RASSF5: variants seen among roughly 807,000 people sequenced by gnomAD.
RASSF5 encodes the protein Ras association domain family member 5.
Under a neutral mutation model 40.5 loss-of-function variants are expected in RASSF5, and 25 were observed. The observed-to-expected ratio is 0.62, with a 90% CI of 0.45 to 0.86. The LOEUF is 0.86. Ranked by LOEUF, RASSF5 falls within the 40% of genes least tolerant of loss-of-function variation. The pLI is 0.00. For missense variants in RASSF5, 521 were observed against 572.8 expected, an observed-to-expected ratio of 0.91 and a Z score of 0.92; for synonymous variants, 246 against 252.4, an observed-to-expected ratio of 0.97 and a Z score of 0.24.
At chr1:206,529,956 T>G (rs1667194016) in intron 1 of RASSF5, among the ~76,000 whole-genome samples, 1 of 151,916 alleles carries the variant, frequency 6.6e-6, no homozygotes, top group Non-Finnish European at 1.5e-5. Flanking sequence ...AAAATTGGGG[T>G]AGAAACACAT....
chr1:206,570,710 C>G (rs116459198), intron 2 of RASSF5, among the ~76,000 whole-genome samples: 1 of 152,094 alleles, frequency 6.6e-6, no homozygotes, highest in Non-Finnish European at 1.5e-5. Flanking sequence ...GGTTCATCCA[C>G]GTGATAGCAT....
chr1:206,571,586 T>C (rs1479223926), intron 2 of RASSF5: 1 of 152,174 alleles, frequency 6.6e-6, no homozygotes, highest in Non-Finnish European at 1.5e-5. Context: ...AACACTAACG[T>C]ACAGAGAGTC....
intron 1 of RASSF5, among the ~76,000 whole-genome samples, chr1:206,508,416 G>C (rs1666526945): frequency 6.6e-6 from 1 of 151,626 alleles, no homozygotes; most frequent in Non-Finnish European, 1.5e-5. Context: ...TCATCTCCCT[G>C]TGCACCCTCA....
Position 206,520,436 on chromosome 1 carries a change from G to A in RASSF5, c.457+12377G>A, listed in dbSNP as rs1365531104. Among the ~76,000 whole-genome samples, 8 of 152,174 alleles carry A rather than the reference G, an allele frequency of 5.3e-5. No homozygotes were observed. The South Asian group carries it at 6.2e-4, about 12-fold the overall frequency. On this transcript the variant is annotated intron_variant, in intron 1 of 5. Transcript: ENST00000579436. ...AGCCTGGCTAACATGGCGAAACCCC[G>A]TCTCTACTAAAAATAGAAAAATTAG...
chr1:206,584,321 C>T lies in RASSF5; in HGVS notation c.691-66C>T, dbSNP rs1370872994. The T allele has an allele frequency of 2.0e-5, 30 of 1,497,410 alleles. No homozygotes were observed. The highest frequency in any genetic ancestry group is 9.2e-5 in the East Asian group (4 of 43,460). The allele number at this position is 1,497,410 out of a possible 1,614,324, so 92.8% of individuals were successfully genotyped here. A position where few individuals can be genotyped will look rare whatever the true frequency, so the allele number is the denominator to read the frequency against. ...GTGGGTGCTGCTGGGGCAATGGCCC[C>T]GAGTGGCAGATATGATCATGCAAGG... On this transcript the variant is annotated intron_variant, in intron 3 of 5. Transcript: ENST00000579436. The surrounding 1 kb of genome is among the most constrained non-coding windows in gnomAD (Gnocchi z 4.9).
chr1:206,573,838 A>G (rs535658409), intron 2 of RASSF5, among the ~76,000 whole-genome samples: 2 of 152,370 alleles, frequency 1.3e-5, no homozygotes, highest in South Asian at 4.1e-4. Flanking sequence ...TGAGAGCCCC[A>G]TCTCTTAAAA....
intron 1 of RASSF5, among the ~76,000 whole-genome samples, chr1:206,521,221 T>C (rs1038442162): frequency 3.9e-5 from 6 of 152,150 alleles, no homozygotes; most frequent in African/African-American, 1.4e-4. Flanking sequence ...AAGTCTCTGG[T>C]GGTCCTGGCT....
chr1:206,539,430 T>G (rs184539328), intron 2 of RASSF5, among the ~76,000 whole-genome samples: 2 of 152,346 alleles, frequency 1.3e-5, no homozygotes, highest in East Asian at 3.9e-4. Context: ...ATGCTTTTTC[T>G]GGAACACAAT....
chr1:206,557,257 C>A, intron 2 of RASSF5: 1 of 1,134,616 alleles, frequency 8.8e-7, no homozygotes, highest in Non-Finnish European at 1.1e-6. Context: ...GGCGCTGGCG[C>A]CGGGGACACG....
intron 2 of RASSF5, among the ~76,000 whole-genome samples, chr1:206,569,100 G>A (rs1334448602): frequency 1.3e-5 from 2 of 152,240 alleles, no homozygotes; most frequent in African/African-American, 2.4e-5. Context: ...CAGAGCTTCC[G>A]CTTGGCCCTC....
rs1428239236 is a variant in RASSF5 at position 206,531,416 on chromosome 1, A to C, written c.458-6756A>C. Among the ~76,000 whole-genome samples the C allele has an allele frequency of 6.6e-6, 1 of 152,168 alleles. No individual in the cohort carries two copies. Among genetic ancestry groups the C allele is most frequent in the Non-Finnish European group, 1.5e-5 (1 of 68,014 alleles). On this transcript the variant is annotated intron_variant, in intron 1 of 5. Coordinates refer to ENST00000579436, the MANE Select transcript of RASSF5 (RefSeq NM_182663.4). This position sits in a 1 kb window ranked among gnomAD's most constrained non-coding sequence, Gnocchi z 4.7. ...TCTATTGTATGAGAACCTGAGTCTGAAGGGACATCTTGGGGCCAGGTTGAG... is the reference window on the plus strand; with the variant it reads ...TCTATTGTATGAGAACCTGAGTCTGCAGGGACATCTTGGGGCCAGGTTGAG...
In RASSF5 at chr1:206,531,145, C is replaced by T. The variant is rs1326156770; in HGVS notation, c.458-7027C>T. ...CCAAGGCCACTAGAGGTTAGGACAC[C>T]GGCCTGGGGTCGGATCAGCACTCGC... On this transcript the variant is annotated intron_variant, in intron 1 of 5. Transcript: ENST00000579436. The surrounding 1 kb of genome is among the most constrained non-coding windows in gnomAD (Gnocchi z 4.7). Among the ~76,000 whole-genome samples, 12 of 152,208 alleles carry T rather than the reference C, an allele frequency of 7.9e-5. No individual in the cohort carries two copies. The highest frequency in any genetic ancestry group is 2.0e-4 in the Admixed American group (3 of 15,274).
chr1:206,552,917 A>G lies in RASSF5; in HGVS notation c.579+14624A>G, dbSNP rs904900949. Among the ~76,000 whole-genome samples the G allele has an allele frequency of 1.1e-4, 16 of 152,180 alleles. No homozygotes were observed. The highest frequency in any genetic ancestry group is 7.3e-5 in the Non-Finnish European group (5 of 68,030). On this transcript the variant is annotated intron_variant, in intron 2 of 5. Coordinates refer to ENST00000579436, the MANE Select transcript of RASSF5 (RefSeq NM_182663.4). This position sits in a 1 kb window ranked among gnomAD's most constrained non-coding sequence, Gnocchi z 4.1. Reference sequence around the variant, plus strand: ...TAGTGCTTGCCTGAAGAAAGTGCTCAGTAAGGCTGGGCGCGGTGGCTCACA... The same window carrying G: ...TAGTGCTTGCCTGAAGAAAGTGCTCGGTAAGGCTGGGCGCGGTGGCTCACA...
chr1:206,566,791 C>T (rs898791619), intron 2 of RASSF5, among the ~76,000 whole-genome samples: 1 of 152,182 alleles, frequency 6.6e-6, no homozygotes, highest in Non-Finnish European at 1.5e-5. Context: ...TCCCCAAACA[C>T]CTCGCCGCTC....
chr1:206,525,991 C>T (rs1667087299), intron 1 of RASSF5, among the ~76,000 whole-genome samples: 1 of 152,176 alleles, frequency 6.6e-6, no homozygotes, highest in Non-Finnish European at 1.5e-5. Context: ...ACCTGTCCAG[C>T]ACTTTCCCTT....
chr1:206,538,103 A>C, intron 1 of RASSF5, 69 bp from the exon 2 acceptor site: 1 of 1,604,566 alleles, frequency 6.2e-7, no homozygotes, highest in East Asian at 2.2e-5. Context: ...CTCCAAGGTT[A>C]TTTCTCTGGG....
At chr1:206,576,320 C>T (rs1293867690) in intron 2 of RASSF5, among the ~76,000 whole-genome samples, 1 of 152,150 alleles carries the variant, frequency 6.6e-6, no homozygotes, top group Non-Finnish European at 1.5e-5. Context: ...GGCTTTGAGG[C>T]CATGGGGCTG....
At chr1:206,522,560 CT>C (rs1472086532) in intron 1 of RASSF5, among the ~76,000 whole-genome samples, 1 of 152,150 alleles carries the variant, frequency 6.6e-6, no homozygotes, top group East Asian at 1.9e-4. Context: ...AAACCATTTA[CT>C]TTTACACTTT....
rs1668777918 is a variant in RASSF5, at chr1:206,579,334, C to G, written c.580-3935C>G. 6.6e-6 allele frequency among the ~76,000 whole-genome samples: 1 copy of G among 152,194 alleles called. No individual in the cohort carries two copies. Among genetic ancestry groups the G allele is most frequent in the South Asian group, 2.1e-4 (1 of 4,830 alleles). ...ATTTGTTAAATCATAACAGAGTTCCCTATTCTGTCTCTATCTTGGGCCACC... is the reference window on the plus strand; with the variant it reads ...ATTTGTTAAATCATAACAGAGTTCCGTATTCTGTCTCTATCTTGGGCCACC... On this transcript the variant is annotated intron_variant, in intron 2 of 5. Transcript: ENST00000579436. The surrounding 1 kb of genome is among the most constrained non-coding windows in gnomAD (Gnocchi z 4.2).
Sources: allele counts gnomAD v4.1 joint callset (sites outside exome capture counted in the v4.1 genomes callset), GRCh38; gene constraint gnomAD v4.1.1; non-coding constraint Gnocchi (gnomAD v3.1); transcripts MANE v1.5; gene names NCBI Gene and HGNC (gene_info 2026-07-23, HGNC 2026-07-21).